NRXN1: variants seen among roughly 807,000 people sequenced by gnomAD.
NRXN1 encodes neurexin 1.
A neutral mutation model predicts 150.9 loss-of-function variants in NRXN1; 39 were observed. The observed-to-expected ratio is 0.26, with a 90% CI of 0.20 to 0.34. The LOEUF is 0.34. Ranked by LOEUF, NRXN1 falls within the 10% of genes least tolerant of loss-of-function variation. The probability of loss-of-function intolerance (pLI) is 1.00; values close to 1 mark genes in which losing one functional copy is unlikely to be tolerated. For synonymous variants in NRXN1, 924 were observed against 757.0 expected (o/e 1.22, Z -3.62); for missense variants, 1,815 against 1,949.9 (o/e 0.93, Z 1.30).
intron 5 of NRXN1, among the ~76,000 whole-genome samples, chr2:50,725,643 G>A (rs1697254744): frequency 6.6e-6 from 1 of 152,080 alleles, no homozygotes; most frequent in Non-Finnish European, 1.5e-5. Flanking sequence ...CATAGAAAAT[G>A]CCCTTCTTAC....
intron 18 of NRXN1, among the ~76,000 whole-genome samples, chr2:50,233,074 T>C (rs904570579): frequency 3.0e-5 from 3 of 101,388 alleles, no homozygotes; most frequent in South Asian, 2.9e-4. Context: ...TGTTAAATAA[T>C]TGAAGATCTA....
intron 5 of NRXN1, among the ~76,000 whole-genome samples, chr2:50,895,540 G>A (rs539984930): frequency 1.9e-4 from 29 of 151,550 alleles, no homozygotes; most frequent in African/African-American, 6.5e-4. Context: ...ACAAAATACT[G>A]CTTTGAGCTA....
intron 19 of NRXN1, among the ~76,000 whole-genome samples, chr2:50,062,741 A>G (rs994671123): frequency 5.3e-5 from 8 of 152,132 alleles, no homozygotes; most frequent in African/African-American, 1.9e-4. Context: ...TATGAACATC[A>G]CTGATGTATA....
At chr2:49,965,323 A>G (rs1244182856) in intron 21 of NRXN1, among the ~76,000 whole-genome samples, 1 of 151,882 alleles carries the variant, frequency 6.6e-6, no homozygotes, top group Non-Finnish European at 1.5e-5. Flanking sequence ...CTGGAGTGTA[A>G]TGGCTCCATC....
chr2:50,134,273 G>GA (rs59985780), intron 18 of NRXN1, among the ~76,000 whole-genome samples: 2,414 of 96,416 alleles, frequency 0.025, 57 homozygotes, highest in African/African-American at 0.06. Context: ...AAAGTAACCA[G>GA]AAAAAAAAAA....
chr2:50,458,687 C>G (rs886334576), intron 17 of NRXN1, among the ~76,000 whole-genome samples: 2 of 151,594 alleles, frequency 1.3e-5, no homozygotes, highest in African/African-American at 4.8e-5. Context: ...TCAAGTGATT[C>G]TGCTACCTCA....
At chr2:49,929,103 C>T (rs1558522150) in intron 22 of NRXN1, among the ~76,000 whole-genome samples, 3 of 152,128 alleles carry the variant, frequency 2.0e-5, no homozygotes, top group South Asian at 2.1e-4. Context: ...GATATTGAGA[C>T]GTTCATTATC....
intron 5 of NRXN1, among the ~76,000 whole-genome samples, chr2:50,836,270 A>C (rs1672090033): frequency 6.6e-6 from 1 of 152,138 alleles, no homozygotes; most frequent in Non-Finnish European, 1.5e-5. Context: ...ATGTATGATT[A>C]AATCAGGGTA....
chr2:50,430,409 C>T (rs920485598), intron 17 of NRXN1, among the ~76,000 whole-genome samples: 2 of 152,170 alleles, frequency 1.3e-5, no homozygotes, highest in East Asian at 1.9e-4. Flanking sequence ...GGAAATGCTT[C>T]TTGTCTGACC....
intron 5 of NRXN1, chr2:50,912,991 C>T (rs757116328): frequency 6.6e-6 from 1 of 151,788 alleles, no homozygotes; most frequent in East Asian, 2.0e-4. Flanking sequence ...TTCAGCCAGT[C>T]CTCTGGAAAA....
intron 21 of NRXN1, chr2:50,024,011 T>TG (rs1429556283): frequency 2.6e-5 from 4 of 152,204 alleles, no homozygotes; most frequent in African/African-American, 9.6e-5. Context: ...CAGATGAAGT[T>TG]GGATGTCTGT....
At chr2:50,358,946 T>A (rs561416999) in intron 17 of NRXN1, among the ~76,000 whole-genome samples, 1 of 152,298 alleles carries the variant, frequency 6.6e-6, no homozygotes, top group South Asian at 2.1e-4. Flanking sequence ...AAACAGGGTC[T>A]GGAGCGGACC....
chr2:49,922,005 G>C lies in NRXN1; in HGVS notation c.4463C>G (p.Pro1488Arg), dbSNP rs941096154. 6.2e-7 allele frequency: 1 copy of C among 1,613,944 alleles called. No homozygotes were observed. Among genetic ancestry groups the C allele is most frequent in the African/African-American group, 1.3e-5 (1 of 74,866 alleles). The part of the protein sequence containing the change: ...SNGAVVKEKQ[P>R]SSAKSSNKNK... ...TTTGTTGGAGCTTTTCGCACTGCTG[G>C]GTTGTTTCTCCTTTACAACAGCCCC... Residue 1488 changes from proline (P) to arginine (R), a missense_variant, in exon 23 of 23, where the codon CCC becomes CGC. This residue lies in a region of NRXN1 where 265 missense variants were observed against 307.1 expected (regional missense o/e 0.86). Coordinates refer to ENST00000401669, the MANE Select transcript of NRXN1 (RefSeq NM_001330078.2).
At chr2:50,328,455 G>A (rs919569888) in intron 17 of NRXN1, among the ~76,000 whole-genome samples, 2 of 152,086 alleles carry the variant, frequency 1.3e-5, no homozygotes, top group Non-Finnish European at 2.9e-5. Context: ...TGGAAACTTC[G>A]GTTGGGTGTG....
At chr2:50,515,600 G>GGGGTGTGTGTGTGTGTGT (rs952552460) in intron 12 of NRXN1, among the ~76,000 whole-genome samples, 25 of 143,510 alleles carry the variant, frequency 1.7e-4, no homozygotes, top group African/African-American at 6.5e-4. Flanking sequence ...AAATGCTTGG[G>GGGGTGTGTGTGTGTGTGT]GTGTGTGTGT....
At chr2:50,410,375 T>A (rs2083061241) in intron 17 of NRXN1, among the ~76,000 whole-genome samples, 1 of 152,242 alleles carries the variant, frequency 6.6e-6, no homozygotes. Context: ...ACTTAACATA[T>A]CCTACCACCT....
intron 5 of NRXN1, among the ~76,000 whole-genome samples, chr2:50,849,709 A>G (rs1354919944): frequency 1.3e-5 from 2 of 152,150 alleles, no homozygotes; most frequent in Admixed American, 6.5e-5. Flanking sequence ...TGATACACTG[A>G]TAAATTCAGT....
At chr2:50,257,044 C>G (rs2067770118) in intron 17 of NRXN1, among the ~76,000 whole-genome samples, 1 of 151,952 alleles carries the variant, frequency 6.6e-6, no homozygotes, top group South Asian at 2.1e-4. Context: ...AAAAAAATGA[C>G]CTAACATTTC....
chr2:50,991,133 A>C (rs1028340319), intron 2 of NRXN1, among the ~76,000 whole-genome samples: 4 of 152,030 alleles, frequency 2.6e-5, no homozygotes, highest in Non-Finnish European at 5.9e-5. Context: ...CAGGTCTGTC[A>C]TTTCTTTGTT....
Sources: gnomAD v4.1 joint callset for allele counts (sites outside exome capture counted in the v4.1 genomes callset) on GRCh38, gnomAD v4.1.1 for gene constraint, gnomAD v4.1.1 regional missense constraint, MANE v1.5 for transcripts, NCBI Gene and HGNC (gene_info 2026-07-23, HGNC 2026-07-21) for gene names.